The following ASTN2 variants were observed in gnomAD, a reference collection of about 807,000 sequenced individuals.
ASTN2 encodes astrotactin 2.
ASTN2 carries 54 observed loss-of-function variants against 139.8 expected under a neutral mutation model. The ratio of observed to expected loss-of-function variants is 0.39; its 90% CI spans 0.31 to 0.48. ASTN2 has a LOEUF of 0.48. Among genes scored for constraint, ASTN2 ranks in the 20% least tolerant of loss-of-function variants. ASTN2 has a pLI of 0.95. For missense variants in ASTN2, 1,565 were observed against 1,725.1 expected, an observed-to-expected ratio of 0.91 and a Z score of 1.64; for synonymous variants, 756 against 719.5, an observed-to-expected ratio of 1.05 and a Z score of -0.81.
At chr9:117,327,486 T>C (rs1378802879) in intron 1 of ASTN2, among the ~76,000 whole-genome samples, 2 of 151,998 alleles carry the variant, frequency 1.3e-5, no homozygotes, top group Admixed American at 1.3e-4. Context: ...GAGGTAGCCA[T>C]TGGAGGCAGG....
At chr9:117,147,273 C>A (rs913688014) in intron 3 of ASTN2, among the ~76,000 whole-genome samples, 3 of 152,126 alleles carry the variant, frequency 2.0e-5, no homozygotes, top group African/African-American at 7.2e-5. Flanking sequence ...AACCCCATCT[C>A]TATTTAAAAT....
intron 16 of ASTN2, among the ~76,000 whole-genome samples, chr9:116,702,825 T>C (rs577918599): frequency 1.3e-5 from 2 of 152,280 alleles, no homozygotes; most frequent in East Asian, 3.9e-4. Flanking sequence ...TCAATATTTA[T>C]TAACTACCTA....
intron 6 of ASTN2, among the ~76,000 whole-genome samples, chr9:117,020,144 G>T (rs1410764815): frequency 6.6e-6 from 1 of 150,886 alleles, no homozygotes; most frequent in Non-Finnish European, 1.5e-5. Context: ...TAGGAAAGAG[G>T]GTATATTTAA....
At chr9:117,268,446 C>T (rs1408432422) in intron 2 of ASTN2, among the ~76,000 whole-genome samples, 1 of 152,184 alleles carries the variant, frequency 6.6e-6, no homozygotes, top group Non-Finnish European at 1.5e-5. Flanking sequence ...CCAACGTTTT[C>T]TTCCTCCAGG....
chr9:117,146,610 C>T (rs77999602), intron 3 of ASTN2, among the ~76,000 whole-genome samples: 3,883 of 151,808 alleles, frequency 0.026, 160 homozygotes, highest in African/African-American at 0.084. Flanking sequence ...CTAAAAAGGA[C>T]AGGCGAGGAG....
intron 16 of ASTN2, among the ~76,000 whole-genome samples, chr9:116,722,795 C>T (rs958139277): frequency 6.6e-6 from 1 of 152,200 alleles, no homozygotes; most frequent in South Asian, 2.1e-4. Flanking sequence ...TGACCCTCCA[C>T]TCCTCCCTTC....
At chr9:116,845,904 A>G (rs1832415537) in intron 11 of ASTN2, among the ~76,000 whole-genome samples, 1 of 152,230 alleles carries the variant, frequency 6.6e-6, no homozygotes, top group African/African-American at 2.4e-5. Flanking sequence ...ATAAAATCCT[A>G]AAGAGATATT....
At chr9:116,991,586 TAAAA>T (rs5900249) in intron 7 of ASTN2, among the ~76,000 whole-genome samples, 2 of 141,718 alleles carry the variant, frequency 1.4e-5, no homozygotes, top group African/African-American at 5.3e-5. Context: ...TCCCTCTTAT[TAAAA>T]AAAAAAAAAA....
At chr9:117,146,636 C>A (rs551794338) in intron 3 of ASTN2, among the ~76,000 whole-genome samples, 1 of 152,016 alleles carries the variant, frequency 6.6e-6, no homozygotes, top group African/African-American at 2.4e-5. Context: ...GAAAAGAAAA[C>A]AAGAAAAAGA....
intron 22 of ASTN2, among the ~76,000 whole-genome samples, chr9:116,434,524 C>G (rs1847590356): frequency 6.6e-6 from 1 of 152,206 alleles, no homozygotes. Flanking sequence ...TTCGTAATGT[C>G]TGCCATGGAG....
chr9:116,722,257 C>CA lies in ASTN2; in HGVS notation c.2806+3513dup, dbSNP rs5900226. ...GGTGCCACAACATCTGACGCACACA[C>CA]AAAAAAAAATACAGAGAAAAAGCAG... is the stretch of plus-strand genomic sequence containing the variant. On this transcript the variant is annotated intron_variant, in intron 16 of 22. Coordinates refer to ENST00000313400, the MANE Select transcript of ASTN2 (RefSeq NM_001365068.1). 1.1e-3 allele frequency among the ~76,000 whole-genome samples: 161 copies of CA among 151,308 alleles called. 1 individual carries two copies. In the South Asian group the frequency reaches 0.011, roughly 10 times the overall value.
intron 13 of ASTN2, among the ~76,000 whole-genome samples, chr9:116,796,694 G>A (rs993702601): frequency 6.6e-6 from 1 of 152,144 alleles, no homozygotes; most frequent in African/African-American, 2.4e-5. Context: ...AGGGCACAAA[G>A]TTTTGGGAAC....
intron 1 of ASTN2, among the ~76,000 whole-genome samples, chr9:117,292,999 T>G (rs1223769446): frequency 6.6e-6 from 1 of 152,106 alleles, no homozygotes; most frequent in Non-Finnish European, 1.5e-5. Flanking sequence ...CTAAAAAATG[T>G]TAGCTACGAA....
At chr9:116,576,037 A>C (rs1006498314) in intron 19 of ASTN2, among the ~76,000 whole-genome samples, 6 of 152,118 alleles carry the variant, frequency 3.9e-5, no homozygotes, top group Non-Finnish European at 5.9e-5. Context: ...TATAAGTTTC[A>C]ATGAACCCAA....
intron 13 of ASTN2, among the ~76,000 whole-genome samples, chr9:116,761,282 G>A (rs1829666833): frequency 6.6e-6 from 1 of 152,150 alleles, no homozygotes; most frequent in Admixed American, 6.5e-5. Context: ...TTGTCCTGTT[G>A]TCTTAAAGTA....
At chr9:116,625,331 G>A (rs1199590052) in intron 17 of ASTN2, among the ~76,000 whole-genome samples, 1 of 152,176 alleles carries the variant, frequency 6.6e-6, no homozygotes, top group East Asian at 1.9e-4. Context: ...TTACTCGGGA[G>A]GCTGAGGAAG....
chr9:117,168,106 T>C (rs1830710846), intron 3 of ASTN2, among the ~76,000 whole-genome samples: 1 of 152,072 alleles, frequency 6.6e-6, no homozygotes, highest in East Asian at 1.9e-4. Flanking sequence ...TCTTTCTCCA[T>C]TGCAGAGTTG....
At chr9:116,909,776 A>C (rs905808639) in intron 10 of ASTN2, among the ~76,000 whole-genome samples, 1 of 152,220 alleles carries the variant, frequency 6.6e-6, no homozygotes, top group African/African-American at 2.4e-5. Flanking sequence ...ATTAAAAACA[A>C]ACAAACAAAA....
intron 20 of ASTN2, among the ~76,000 whole-genome samples, chr9:116,480,963 C>T (rs1218644243): frequency 2.0e-5 from 3 of 152,180 alleles, no homozygotes; most frequent in Non-Finnish European, 2.9e-5. Context: ...GTGGTTACTC[C>T]TCCTCCTGCT....
Sources: allele counts gnomAD v4.1 joint callset (sites outside exome capture counted in the v4.1 genomes callset), GRCh38; gene constraint gnomAD v4.1.1; transcripts MANE v1.5; gene names NCBI Gene and HGNC (gene_info 2026-07-23, HGNC 2026-07-21).